Variants in ASTN1 observed in about 807,000 individuals in gnomAD.
ASTN1 encodes the protein astrotactin 1.
ASTN1 carries 41 observed loss-of-function variants against 140.7 expected under a neutral mutation model. The ratio of observed to expected loss-of-function variants is 0.29; its 90% CI spans 0.23 to 0.38. ASTN1 has a LOEUF of 0.38. ASTN1 is among the 10% of genes least tolerant of loss of function. The pLI is 1.00. For missense variants in ASTN1, 1,479 were observed against 1,678.8 expected (o/e 0.88, Z 2.08); for synonymous variants, 640 against 652.2 (o/e 0.98, Z 0.29).
intron 8 of ASTN1, among the ~76,000 whole-genome samples, chr1:176,994,102 AC>A (rs371555407): frequency 7.3e-5 from 9 of 123,230 alleles, no homozygotes; most frequent in East Asian, 2.6e-4. Context: ...TTTTCACCCC[AC>A]CCCCCCCGCC....
chr1:176,958,194 C>A, intron 10 of ASTN1, 151 bp downstream of exon 10: 1 of 1,199,354 alleles, frequency 8.3e-7, no homozygotes. Context: ...AAAAGCAGAC[C>A]CTGGCACAAC....
intron 8 of ASTN1, among the ~76,000 whole-genome samples, chr1:177,012,194 CA>C (rs1383448412): frequency 6.6e-6 from 1 of 152,204 alleles, no homozygotes; most frequent in Non-Finnish European, 1.5e-5. Flanking sequence ...ATTCGAGTGA[CA>C]GTCTTCATGT....
chr1:176,905,919 C>T (rs1334507115), intron 16 of ASTN1, among the ~76,000 whole-genome samples: 2 of 152,154 alleles, frequency 1.3e-5, no homozygotes, highest in Admixed American at 6.5e-5. Context: ...CAGTACCATT[C>T]GCAAATGGTA....
intron 1 of ASTN1, among the ~76,000 whole-genome samples, chr1:177,083,115 C>T (rs1679260092): frequency 6.6e-6 from 1 of 152,036 alleles, no homozygotes; most frequent in Non-Finnish European, 1.5e-5. Context: ...GGCTGCATTA[C>T]TAGATTTTAT....
chr1:177,052,389 C>A (rs1677584804), intron 2 of ASTN1, among the ~76,000 whole-genome samples: 1 of 152,164 alleles, frequency 6.6e-6, no homozygotes, highest in African/African-American at 2.4e-5. Flanking sequence ...TAAGAATCAT[C>A]TCATTTAATA....
At chr1:177,079,828 C>T (rs1028859686) in intron 1 of ASTN1, among the ~76,000 whole-genome samples, 2 of 152,090 alleles carry the variant, frequency 1.3e-5, no homozygotes, top group African/African-American at 2.4e-5. Flanking sequence ...TTATACAGAA[C>T]GTTCGCTCAT....
chr1:177,045,501 GA>G (rs1677173348), intron 2 of ASTN1, among the ~76,000 whole-genome samples: 1 of 152,162 alleles, frequency 6.6e-6, no homozygotes, highest in African/African-American at 2.4e-5. Context: ...AGATAGCTCT[GA>G]GGGGCACTCC....
intron 2 of ASTN1, among the ~76,000 whole-genome samples, chr1:177,039,778 C>T (rs1676887249): frequency 6.6e-6 from 1 of 152,110 alleles, no homozygotes; most frequent in African/African-American, 2.4e-5. Flanking sequence ...AACACTGATC[C>T]CTGTCAAACA....
chr1:176,941,038 A>G (rs1384482825), intron 14 of ASTN1, among the ~76,000 whole-genome samples: 2 of 152,206 alleles, frequency 1.3e-5, no homozygotes, highest in South Asian at 4.1e-4. Flanking sequence ...AATAAAAACA[A>G]ATGCTTGGAA....
At chr1:176,899,026 G>A (rs539781215) in intron 16 of ASTN1, among the ~76,000 whole-genome samples, 9 of 152,328 alleles carry the variant, frequency 5.9e-5, no homozygotes, top group Non-Finnish European at 1.2e-4. Flanking sequence ...TCACTCCACT[G>A]TTGTCAGGGA....
chr1:177,122,293 C>A (rs1681432263), intron 1 of ASTN1, among the ~76,000 whole-genome samples: 1 of 152,100 alleles, frequency 6.6e-6, no homozygotes, highest in African/African-American at 2.4e-5. Flanking sequence ...CCATGTCTTG[C>A]CTGTTCTTCA....
chr1:176,939,407 A>G (rs1470831694), intron 14 of ASTN1, among the ~76,000 whole-genome samples: 1 of 152,202 alleles, frequency 6.6e-6, no homozygotes, highest in Non-Finnish European at 1.5e-5. Flanking sequence ...GAACTCCATT[A>G]CTTAGCTGAT....
intron 1 of ASTN1, among the ~76,000 whole-genome samples, chr1:177,068,715 CG>C (rs1333180433): frequency 2.6e-5 from 4 of 151,966 alleles, no homozygotes; most frequent in Non-Finnish European, 5.9e-5. Context: ...GTCAGATGCA[CG>C]CTGTTTTTTC....
chr1:176,914,543 C>T (rs979813600), intron 16 of ASTN1, among the ~76,000 whole-genome samples: 2 of 152,084 alleles, frequency 1.3e-5, no homozygotes, highest in African/African-American at 2.4e-5. Flanking sequence ...AGGGTCATAC[C>T]GCATGGGGTC....
At chr1:177,089,500 A>G (rs962987328) in intron 1 of ASTN1, among the ~76,000 whole-genome samples, 13 of 152,158 alleles carry the variant, frequency 8.5e-5, no homozygotes, top group Non-Finnish European at 1.8e-4. Context: ...AATAAGATCA[A>G]CGTTTGCTTC....
At chr1:176,965,863 G>A (rs539471740) in intron 8 of ASTN1, among the ~76,000 whole-genome samples, 7 of 152,180 alleles carry the variant, frequency 4.6e-5, no homozygotes, top group Non-Finnish European at 8.8e-5. Context: ...ATCTTCAAAC[G>A]TTTTAATGTC....
intron 10 of ASTN1, 71 bp from the exon 11 acceptor site, chr1:176,957,899 C>A: frequency 1.3e-6 from 2 of 1,516,552 alleles, no homozygotes; most frequent in Non-Finnish European, 1.8e-6. Context: ...GCATTACATT[C>A]CATGCTCCTA....
intron 16 of ASTN1, among the ~76,000 whole-genome samples, chr1:176,926,602 C>G (rs139211462): frequency 2.0e-5 from 3 of 152,124 alleles, no homozygotes; most frequent in African/African-American, 7.2e-5. Flanking sequence ...AGGCCCTCAG[C>G]GAACATTTGT....
chr1:176,881,890 C>T (rs1383922267), intron 20 of ASTN1, among the ~76,000 whole-genome samples: 1 of 152,198 alleles, frequency 6.6e-6, no homozygotes, highest in Non-Finnish European at 1.5e-5. Flanking sequence ...TGGAAATAGA[C>T]ATGATTTATT....
Sources: allele counts gnomAD v4.1 joint callset (sites outside exome capture counted in the v4.1 genomes callset), GRCh38; gene constraint gnomAD v4.1.1; transcripts MANE v1.5; gene names NCBI Gene and HGNC (gene_info 2026-07-23, HGNC 2026-07-21).